The following SFMBT2 variants were observed in gnomAD, a reference collection of about 807,000 sequenced individuals.
SFMBT2 encodes the protein scm-like with four MBT domains protein 2.
Under a neutral mutation model 110.1 loss-of-function variants are expected in SFMBT2, and 38 were observed. That is an observed-to-expected ratio of 0.35 (90% CI 0.27 to 0.45). The LOEUF (loss-of-function observed/expected upper bound fraction) is 0.45. Among genes scored for constraint, SFMBT2 ranks in the 20% least tolerant of loss-of-function variants. SFMBT2 has a pLI of 1.00. For synonymous variants in SFMBT2, 425 were observed against 425.4 expected, an observed-to-expected ratio of 1.00 and a Z score of 0.01; for missense variants, 1,011 against 1,094.9, an observed-to-expected ratio of 0.92 and a Z score of 1.08.
At chr10:7,395,231 G>A (rs891471509) in intron 1 of SFMBT2, among the ~76,000 whole-genome samples, 6 of 152,132 alleles carry the variant, frequency 3.9e-5, no homozygotes, top group African/African-American at 1.4e-4. Flanking sequence ...AGGCTGCAGT[G>A]AGCAGCCACT....
At chr10:7,271,799 C>A (rs780788550) in intron 7 of SFMBT2, among the ~76,000 whole-genome samples, 2 of 152,150 alleles carry the variant, frequency 1.3e-5, no homozygotes, top group Non-Finnish European at 2.9e-5. Context: ...CACATGGCAG[C>A]AGACAAGAGA....
At chr10:7,210,630 G>A (rs963266022) in intron 11 of SFMBT2, among the ~76,000 whole-genome samples, 4 of 152,252 alleles carry the variant, frequency 2.6e-5, no homozygotes, top group Admixed American at 1.3e-4. Context: ...ACAGGCTTGA[G>A]TGTGAGATGA....
chr10:7,277,353 G>T (rs1382152383), intron 6 of SFMBT2: 1 of 226,532 alleles, frequency 4.4e-6, no homozygotes, highest in African/African-American at 2.4e-5. Flanking sequence ...AATGCCCACT[G>T]ATGAGGAACT....
chr10:7,174,747 C>T (rs1453345874), intron 17 of SFMBT2, among the ~76,000 whole-genome samples: 1 of 152,198 alleles, frequency 6.6e-6, no homozygotes, highest in Non-Finnish European at 1.5e-5. Context: ...TCAGGAGCTG[C>T]TGTTTCCCAG....
chr10:7,394,633 G>A (rs1309070492), intron 1 of SFMBT2, among the ~76,000 whole-genome samples: 2 of 151,058 alleles, frequency 1.3e-5, no homozygotes, highest in African/African-American at 4.9e-5. Flanking sequence ...CATTAATAAT[G>A]GTCTTGCTTA....
At chr10:7,257,123 G>GAGGGGAGGGGAGGGGAGAGGAAAGA (rs1288833965) in intron 7 of SFMBT2, among the ~76,000 whole-genome samples, 8 of 129,228 alleles carry the variant, frequency 6.2e-5, no homozygotes, top group Non-Finnish European at 1.1e-4. Flanking sequence ...GAGGGGAGGG[G>GAGGGGAGGGGAGGGGAGAGGAAAGA]AAAGAAAAGA....
In SFMBT2 at chr10:7,172,280, G is replaced by T; in HGVS notation, c.2152-122C>A. The T allele has an allele frequency of 6.9e-7, 1 of 1,453,906 alleles. No homozygotes were observed. 90.1% of individuals were successfully genotyped at this position (1,453,906 alleles called of 1,614,324 possible). A position where few individuals can be genotyped will look rare whatever the true frequency, so the allele number is the denominator to read the frequency against. ...CAAACCCTCGGAAATGGAGCCAGTG[G>T]TCCCACCCGTGGGCCCTACGAGGCC... is the stretch of plus-strand genomic sequence containing the variant. On this transcript the variant is annotated intron_variant, in intron 18 of 20. Coordinates refer to ENST00000397167, the MANE Select transcript of SFMBT2 (RefSeq NM_001387889.1). This position sits in a 1 kb window ranked among gnomAD's most constrained non-coding sequence, Gnocchi z 4.6.
rs771122284 is a variant in SFMBT2 at position 7,367,834 on chromosome 10, T to C, written c.251A>G (p.Asn84Ser). The change falls in exon 4 of 21, where the codon AAT becomes AGT. Residue 84 changes from asparagine to serine, a missense_variant. This residue lies in a region of SFMBT2 where 979 missense variants were observed against 1,016.1 expected (regional missense o/e 0.96). Transcript: ENST00000397167. The surrounding 1 kb of genome is among the most constrained non-coding windows in gnomAD (Gnocchi z 6.2). Reference sequence around the variant, plus strand: ...CCAGTACGTGTCCGGGTTGTTCTTATTAGCCACTTCCAATTTCATTCCTGG... The same window carrying C: ...CCAGTACGTGTCCGGGTTGTTCTTACTAGCCACTTCCAATTTCATTCCTGG... ...FQPGMKLEVA[N>S]KNNPDTYWVA... 4 of 1,614,222 alleles carry C rather than the reference T, an allele frequency of 2.5e-6. No individual in the cohort carries two copies. Among genetic ancestry groups the C allele is most frequent in the Admixed American group, 3.3e-5 (2 of 60,030 alleles).
At chr10:7,249,607 A>G (rs1288977223) in intron 7 of SFMBT2, 2 of 961,412 alleles carry the variant, frequency 2.1e-6, no homozygotes, top group East Asian at 1.1e-4. Flanking sequence ...CTGCAAATCT[A>G]AAGTGGGTTT....
In SFMBT2 at chr10:7,171,351, T is replaced by A; in HGVS notation, c.2416-295A>T. The A allele has an allele frequency of 1.0e-6, 1 of 982,940 alleles. No individual in the cohort carries two copies. The highest frequency in any genetic ancestry group is 1.2e-6 in the Non-Finnish European group (1 of 827,710). 60.9% of individuals were successfully genotyped at this position (982,940 alleles called of 1,614,324 possible). A position where few individuals can be genotyped will look rare whatever the true frequency, so the allele number is the denominator to read the frequency against. On this transcript the variant is annotated intron_variant, in intron 19 of 20. Coordinates refer to ENST00000397167, the MANE Select transcript of SFMBT2 (RefSeq NM_001387889.1). This position sits in a 1 kb window ranked among gnomAD's most constrained non-coding sequence, Gnocchi z 4.9. The stretch of plus-strand genomic sequence containing the variant: ...TGGGCCTGCTTATGAACGAAGCATC[T>A]CTGATTAGAGAAAAGAGGAGAAATA...
rs182958572 is a variant in SFMBT2 at position 7,221,371 on chromosome 10, A to G, written c.1204-834T>C. On this transcript the variant is annotated intron_variant, in intron 10 of 20. Transcript: ENST00000397167. The stretch of plus-strand genomic sequence containing the variant: ...CACTTGAGGTCAGGAGTTCAAGACC[A>G]GCCTGGCTAACATGATGAAACTCCA... Among the ~76,000 whole-genome samples the G allele has an allele frequency of 2.7e-3, 409 of 151,986 alleles. 1 individual carries two copies. Among genetic ancestry groups the G allele is most frequent in the East Asian group, 0.015 (77 of 5,050 alleles).
chr10:7,348,275 A>G, intron 4 of SFMBT2: 1 of 1,517,520 alleles, frequency 6.6e-7, no homozygotes, highest in Admixed American at 2.2e-5. Flanking sequence ...AGAAGTTTTG[A>G]GACATCCTTT....
intron 15 of SFMBT2, 38 bp from the exon 16 acceptor site, chr10:7,188,771 G>T (rs1293791500): frequency 6.5e-7 from 1 of 1,536,260 alleles, no homozygotes; most frequent in Middle Eastern, 1.7e-4. Flanking sequence ...AGCTGCAATT[G>T]CATTCATTCC....
chr10:7,377,363 G>A lies in SFMBT2; in HGVS notation c.100+4436C>T, dbSNP rs138001352. On this transcript the variant is annotated intron_variant, in intron 2 of 20. Transcript: ENST00000397167. The stretch of plus-strand genomic sequence containing the variant: ...GTTTTGTGGAAGACAATTAGGCACC[G>A]GTTTTGTAGAAGACAATTTTTCCAC... 9.8e-3 allele frequency among the ~76,000 whole-genome samples: 1,495 copies of A among 152,200 alleles called. 11 individuals are homozygous for A. The highest frequency in any genetic ancestry group is 0.02 in the Middle Eastern group (6 of 294).
At chr10:7,391,343 A>G (rs1380706629) in intron 1 of SFMBT2, among the ~76,000 whole-genome samples, 2 of 150,582 alleles carry the variant, frequency 1.3e-5, no homozygotes, top group East Asian at 4.0e-4. Flanking sequence ...GCACGTGCGT[A>G]TAATCCCAGC....
chr10:7,399,428 C>T (rs11255112), intron 1 of SFMBT2, among the ~76,000 whole-genome samples: 3,895 of 152,134 alleles, frequency 0.026, 90 homozygotes, highest in Non-Finnish European at 0.038. Flanking sequence ...GACGGGGTTT[C>T]ACCATGTTGG....
At chr10:7,387,486 C>G (rs537633844) in intron 1 of SFMBT2, among the ~76,000 whole-genome samples, 3 of 152,230 alleles carry the variant, frequency 2.0e-5, no homozygotes, top group Admixed American at 6.5e-5. Flanking sequence ...CCAAGTCCAC[C>G]AAGAATGTAC....
At position 7,210,684 on chromosome 10, in the gene SFMBT2, G is replaced by A. The variant is rs943068156; in HGVS notation, c.1331-4756C>T. 1.6e-4 allele frequency among the ~76,000 whole-genome samples: 25 copies of A among 152,352 alleles called. No individual in the cohort carries two copies. In the South Asian group the frequency reaches 3.3e-3, roughly 20 times the overall value. On this transcript the variant is annotated intron_variant, in intron 11 of 20. Coordinates refer to ENST00000397167, the MANE Select transcript of SFMBT2 (RefSeq NM_001387889.1). Reference sequence around the variant, plus strand: ...GAATGCAAAGCCGGTGTGAGTGCCCGCAAGCAAGACCTGGACGCTGGAAGC... The same window carrying A: ...GAATGCAAAGCCGGTGTGAGTGCCCACAAGCAAGACCTGGACGCTGGAAGC...
At chr10:7,348,631 G>T (rs1026328087) in intron 4 of SFMBT2, among the ~76,000 whole-genome samples, 1 of 152,168 alleles carries the variant, frequency 6.6e-6, no homozygotes, top group African/African-American at 2.4e-5. Flanking sequence ...CATAACCTAA[G>T]AACATTTTAA....
Sources: gnomAD v4.1 joint callset for allele counts (sites outside exome capture counted in the v4.1 genomes callset) on GRCh38, gnomAD v4.1.1 for gene constraint, gnomAD v4.1.1 regional missense constraint, Gnocchi (gnomAD v3.1) non-coding constraint, MANE v1.5 for transcripts, NCBI Gene and HGNC (gene_info 2026-07-23, HGNC 2026-07-21) for gene names.